LAMB3: variants seen among roughly 807,000 people sequenced by gnomAD.
LAMB3 encodes the protein laminin subunit beta 3.
LAMB3 carries 104 observed loss-of-function variants against 140.3 expected under a neutral mutation model. The ratio of observed to expected loss-of-function variants is 0.74; its 90% CI spans 0.63 to 0.87. The LOEUF is 0.87. Among genes scored for constraint, LAMB3 ranks in the 40% least tolerant of loss-of-function variants. LAMB3 has a pLI of 0.00. For synonymous variants in LAMB3, 592 were observed against 602.9 expected (o/e 0.98, Z 0.26); for missense variants, 1,531 against 1,575.2 (o/e 0.97, Z 0.47).
chr1:209,644,425 C>T (rs1472990144), intron 3 of LAMB3, among the ~76,000 whole-genome samples: 2 of 152,070 alleles, frequency 1.3e-5, no homozygotes, highest in African/African-American at 4.8e-5. Flanking sequence ...TATCTTATTC[C>T]ATCCTTCAAA....
chr1:209,631,038 A>G (rs961926126), intron 8 of LAMB3, among the ~76,000 whole-genome samples: 1 of 152,224 alleles, frequency 6.6e-6, no homozygotes, highest in Non-Finnish European at 1.5e-5. Context: ...AGTCAGAGGC[A>G]GCGCTTGGCA....
At chr1:209,637,295 A>C (rs1325358005) in intron 5 of LAMB3, among the ~76,000 whole-genome samples, 1 of 152,244 alleles carries the variant, frequency 6.6e-6, no homozygotes, top group Admixed American at 6.5e-5. Context: ...TAATCTTATT[A>C]ACCAAATTTG....
intron 3 of LAMB3, among the ~76,000 whole-genome samples, chr1:209,642,831 C>T (rs1319145009): frequency 6.6e-6 from 1 of 152,130 alleles, no homozygotes; most frequent in Non-Finnish European, 1.5e-5. Flanking sequence ...TTCAGGAGAG[C>T]AAATAGTATC....
At chr1:209,616,862 T>C (rs1355614120) in intron 21 of LAMB3, among the ~76,000 whole-genome samples, 1 of 152,186 alleles carries the variant, frequency 6.6e-6, no homozygotes, top group Non-Finnish European at 1.5e-5. Context: ...CCCAGGACAA[T>C]GTCAGTCACA....
rs1477704674 is a variant in LAMB3 at position 209,623,085 on chromosome 1, C to A, written c.2453G>T (p.Cys818Phe). 2 of 1,614,226 alleles carry A rather than the reference C, an allele frequency of 1.2e-6. No individual in the cohort carries two copies. The highest frequency in any genetic ancestry group is 1.1e-5 in the South Asian group (1 of 91,092). The part of the protein sequence containing the change: ...QDNGTACGSR[C>F]RGVLPRAGGA... ...ACCGGCCCTGGGAAGGACACCCCTG[C>A]AGCGGGAGCCACAGGCTGTGCCATT... is the stretch of plus-strand genomic sequence containing the variant. The change falls in exon 17 of 23, where the codon TGC (cysteine) becomes TTC (phenylalanine). Residue 818 changes from cysteine to phenylalanine, a missense_variant. Transcript: ENST00000356082. This position sits in a 1 kb window ranked among gnomAD's most constrained non-coding sequence, Gnocchi z 4.2.
intron 14 of LAMB3, among the ~76,000 whole-genome samples, chr1:209,624,595 G>A (rs780109988): frequency 3.9e-5 from 6 of 152,132 alleles, no homozygotes; most frequent in African/African-American, 7.2e-5. Context: ...GGCACAGAAC[G>A]CCCTTCCATG....
chr1:209,622,847 C>A, intron 17 of LAMB3, 135 bp downstream of exon 17: 1 of 1,352,430 alleles, frequency 7.4e-7, no homozygotes, highest in East Asian at 2.3e-5. Flanking sequence ...AACTATCTTG[C>A]ACTTGCTGTG....
intron 11 of LAMB3, 73 bp downstream of exon 11, chr1:209,627,962 G>T: frequency 1.3e-6 from 2 of 1,517,970 alleles, no homozygotes; most frequent in South Asian, 1.2e-5. Context: ...AGCACAGTGA[G>T]CAGGGCAAGC....
chr1:209,622,710 G>C (rs752347958), intron 17 of LAMB3, 30 bp from the exon 18 acceptor site: 2 of 1,613,904 alleles, frequency 1.2e-6, no homozygotes, highest in Admixed American at 1.7e-5. Context: ...GTCAGAAGGG[G>C]TAAGGCCCCA....
intron 19 of LAMB3, 112 bp from the exon 20 acceptor site, chr1:209,618,160 A>G (rs1289030256): frequency 1.2e-5 from 17 of 1,368,738 alleles, no homozygotes; most frequent in Non-Finnish European, 1.7e-5. Flanking sequence ...GCCAAGGCAA[A>G]GAGCAAGGAA....
chr1:209,619,620 C>A (rs1666116135), intron 18 of LAMB3, among the ~76,000 whole-genome samples: 1 of 152,218 alleles, frequency 6.6e-6, no homozygotes, highest in Non-Finnish European at 1.5e-5. Flanking sequence ...AGGGTAAGGT[C>A]AGAAGTACAG....
At chr1:209,648,265 C>T (rs2076534484) in intron 3 of LAMB3, among the ~76,000 whole-genome samples, 1 of 152,290 alleles carries the variant, frequency 6.6e-6, no homozygotes, top group African/African-American at 2.4e-5. Flanking sequence ...ACCATCTCAT[C>T]TAATACTCAC....
intron 3 of LAMB3, among the ~76,000 whole-genome samples, chr1:209,648,267 A>G (rs569059262): frequency 3.4e-4 from 52 of 152,324 alleles, no homozygotes; most frequent in African/African-American, 1.1e-3. Context: ...CATCTCATCT[A>G]ATACTCACTT....
At chr1:209,616,297 A>T (rs1309910610) in intron 22 of LAMB3, among the ~76,000 whole-genome samples, 174 bp downstream of exon 22, 1 of 152,148 alleles carries the variant, frequency 6.6e-6, no homozygotes, top group Non-Finnish European at 1.5e-5. Flanking sequence ...AAGTCATGGG[A>T]CCATCTCTGC....
At chr1:209,647,931 G>A (rs1013564557) in intron 3 of LAMB3, among the ~76,000 whole-genome samples, 1 of 152,202 alleles carries the variant, frequency 6.6e-6, no homozygotes, top group Non-Finnish European at 1.5e-5. Flanking sequence ...ATTGCCATTA[G>A]TATCATTTAA....
chr1:209,652,355 G>A lies in LAMB3; in HGVS notation c.-38+14C>T, dbSNP rs1372351841. 1 of 152,326 alleles carries A rather than the reference G, an allele frequency of 6.6e-6. No homozygotes were observed. Among genetic ancestry groups the A allele is most frequent in the South Asian group, 2.1e-4 (1 of 4,838 alleles). The allele number at this position is 152,326 out of a possible 1,614,324, so 9.4% of individuals were successfully genotyped here. A position where few individuals can be genotyped will look rare whatever the true frequency, so the allele number is the denominator to read the frequency against. Reference sequence around the variant, plus strand: ...ATCCGGCCCGCACCAGGCAGGTAAAGACAGGTAACATACCTTGCTGTGTGT... The same window carrying A: ...ATCCGGCCCGCACCAGGCAGGTAAAAACAGGTAACATACCTTGCTGTGTGT... On this transcript the variant is annotated intron_variant, in intron 1 of 22. Coordinates refer to ENST00000356082, the MANE Select transcript of LAMB3 (RefSeq NM_000228.3).
At chr1:209,633,795 T>G (rs1236685511) in intron 6 of LAMB3, among the ~76,000 whole-genome samples, 2 of 152,202 alleles carry the variant, frequency 1.3e-5, no homozygotes, top group Non-Finnish European at 2.9e-5. Flanking sequence ...AGGGCTCACC[T>G]GTGTCTCAGC....
At chr1:209,649,815 C>T in intron 3 of LAMB3, 149 bp downstream of exon 3, 1 of 853,626 alleles carries the variant, frequency 1.2e-6, no homozygotes, top group Non-Finnish European at 1.9e-6. Flanking sequence ...AGGCAAGGAT[C>T]TGGCCTTATA....
chr1:209,624,116 G>A, intron 14 of LAMB3, 116 bp from the exon 15 acceptor site: 1 of 873,202 alleles, frequency 1.1e-6, no homozygotes, highest in Non-Finnish European at 1.8e-6. Flanking sequence ...CTTGGGCAAA[G>A]GCAACAGAAC....
Sources: allele counts gnomAD v4.1 joint callset (sites outside exome capture counted in the v4.1 genomes callset), GRCh38; gene constraint gnomAD v4.1.1; non-coding constraint Gnocchi (gnomAD v3.1); transcripts MANE v1.5; gene names NCBI Gene and HGNC (gene_info 2026-07-23, HGNC 2026-07-21).